The following KCNT2 variants were observed in gnomAD, a reference collection of about 807,000 sequenced individuals.
KCNT2 encodes the protein potassium channel subfamily T member 2.
KCNT2 carries 67 observed loss-of-function variants against 153.8 expected under a neutral mutation model. That is an observed-to-expected ratio of 0.44 (90% CI 0.36 to 0.53). The LOEUF is 0.53. KCNT2 is among the 20% of genes least tolerant of loss of function. KCNT2 has a pLI of 0.00. For missense variants in KCNT2, 975 were observed against 1,354.8 expected (o/e 0.72, Z 4.40); for synonymous variants, 500 against 458.8 (o/e 1.09, Z -1.15).
chr1:196,363,953 T>C (rs1340109020), intron 14 of KCNT2, among the ~76,000 whole-genome samples: 1 of 152,144 alleles, frequency 6.6e-6, no homozygotes, highest in South Asian at 2.1e-4. Context: ...TTTGTTTATA[T>C]ACATTGAAAA....
At chr1:196,465,644 T>C (rs995268435) in intron 7 of KCNT2, among the ~76,000 whole-genome samples, 1 of 151,902 alleles carries the variant, frequency 6.6e-6, no homozygotes, top group Non-Finnish European at 1.5e-5. Context: ...TTTACTTGCA[T>C]TACAGACATC....
intron 12 of KCNT2, among the ~76,000 whole-genome samples, chr1:196,406,328 T>G (rs926010511): frequency 6.6e-6 from 1 of 151,492 alleles, no homozygotes; most frequent in Non-Finnish European, 1.5e-5. Context: ...TAGAGAAGTA[T>G]GCTTCAAATT....
chr1:196,356,498 C>A (rs889683087), intron 14 of KCNT2, among the ~76,000 whole-genome samples: 5 of 151,682 alleles, frequency 3.3e-5, no homozygotes, highest in African/African-American at 1.2e-4. Context: ...TCATTCATAG[C>A]TTAAATTTTG....
At position 196,340,408 on chromosome 1, in the gene KCNT2, G is replaced by A. The variant is rs1665503374; in HGVS notation, c.1716C>T (p.Ser572=). The change falls in exon 16 of 28, where the codon AGC becomes AGT. Residue 572 remains serine, a synonymous_variant. Transcript: ENST00000294725. The part of the protein sequence containing the change: ...AFKNQDQQRK[S]NVSRSFYHGP... ...CATGATAAAACGACCTGGACACATT[G>A]CTTTTTCTCTGCTGGTCTTGGTTTT... The A allele has an allele frequency of 1.9e-6, 3 of 1,612,842 alleles. No homozygotes were observed. The highest frequency in any genetic ancestry group is 2.5e-6 in the Non-Finnish European group (3 of 1,179,268).
In KCNT2 at chr1:196,471,955, A is replaced by C. The variant is rs1678141981; in HGVS notation, c.385-2887T>G. Among the ~76,000 whole-genome samples the C allele has an allele frequency of 1.3e-5, 2 of 152,260 alleles. 1 individual carries two copies. The highest frequency in any genetic ancestry group is 4.1e-4 in the South Asian group (2 of 4,822). On this transcript the variant is annotated intron_variant, in intron 5 of 27. Transcript: ENST00000294725. ...GCTACTAGCTTGGCTTGTAATTTTG[A>C]TATTTCTATTCCTATCCTGAACTCA...
At chr1:196,408,174 T>C (rs1419859052) in intron 12 of KCNT2, among the ~76,000 whole-genome samples, 2 of 151,570 alleles carry the variant, frequency 1.3e-5, no homozygotes, top group East Asian at 3.9e-4. Flanking sequence ...CTCTTTTCAC[T>C]ACATGGGGCC....
chr1:196,242,722 G>A (rs562443700), intron 26 of KCNT2, among the ~76,000 whole-genome samples: 1 of 152,226 alleles, frequency 6.6e-6, no homozygotes, highest in Non-Finnish European at 1.5e-5. Context: ...GATAGGCAAA[G>A]TTTTTGCCTT....
chr1:196,229,307 G>A (rs1653745431), intron 27 of KCNT2, among the ~76,000 whole-genome samples: 1 of 151,896 alleles, frequency 6.6e-6, no homozygotes, highest in African/African-American at 2.4e-5. Flanking sequence ...AGTGATCTGT[G>A]ATCAGTAATT....
chr1:196,286,968 T>C (rs116750400), intron 22 of KCNT2, among the ~76,000 whole-genome samples: 191 of 152,180 alleles, frequency 1.3e-3, no homozygotes, highest in African/African-American at 4.2e-3. Flanking sequence ...CCTTCACTTC[T>C]TGAGGCAACA....
Position 196,226,319 on chromosome 1 carries a change from A to G in KCNT2, c.*1905T>C, listed in dbSNP as rs368630048. ...TGATATGCAAATATAAAACAAGTTC[A>G]TAAAATTTATTGTTTTTCTCTGTTA... On this transcript the variant is annotated 3_prime_UTR_variant, in exon 28 of 28. Transcript: ENST00000294725. The G allele has an allele frequency of 9.9e-5, 15 of 152,164 alleles. No homozygotes were observed. Among genetic ancestry groups the G allele is most frequent in the East Asian group, 9.6e-4 (5 of 5,186 alleles). The allele number at this position is 152,164 out of a possible 1,614,324, so 9.4% of individuals were successfully genotyped here. A position where few individuals can be genotyped will look rare whatever the true frequency, so the allele number is the denominator to read the frequency against.
At chr1:196,450,195 T>TAA (rs1448957918) in intron 8 of KCNT2, among the ~76,000 whole-genome samples, 1 of 151,922 alleles carries the variant, frequency 6.6e-6, no homozygotes, top group African/African-American at 2.4e-5. Context: ...CCCTATCTAC[T>TAA]AACACATTGT....
chr1:196,243,066 C>T lies in KCNT2; in HGVS notation c.3212-6996G>A, dbSNP rs538060663. Among the ~76,000 whole-genome samples, 11 of 152,210 alleles carry T rather than the reference C, an allele frequency of 7.2e-5. 1 individual carries two copies. The South Asian group carries it at 2.3e-3, about 32-fold the overall frequency. On this transcript the variant is annotated intron_variant, in intron 26 of 27. Coordinates refer to ENST00000294725, the MANE Select transcript of KCNT2 (RefSeq NM_198503.5). ...CAGATCTCTCATGCCCTTTTGTAGT[C>T]AATTTTCTCCTCTCAATCCCAACTT... is the stretch of plus-strand genomic sequence containing the variant.
chr1:196,395,367 G>A (rs1193365138), intron 13 of KCNT2, among the ~76,000 whole-genome samples: 11 of 151,408 alleles, frequency 7.3e-5, no homozygotes. Context: ...TAAACTGTTT[G>A]TAAAACATTA....
chr1:196,583,730 A>G (rs900857971), intron 1 of KCNT2, among the ~76,000 whole-genome samples: 1 of 151,998 alleles, frequency 6.6e-6, no homozygotes, highest in South Asian at 2.1e-4. Flanking sequence ...AAAATTGTTC[A>G]TTGGACCTGG....
At chr1:196,517,699 A>G (rs2148815144) in intron 1 of KCNT2, among the ~76,000 whole-genome samples, 1 of 152,332 alleles carries the variant, frequency 6.6e-6, no homozygotes, top group South Asian at 2.1e-4. Context: ...TCTCTGAAAT[A>G]AGACACTCAG....
intron 15 of KCNT2, among the ~76,000 whole-genome samples, chr1:196,341,021 G>GA (rs1665571646): frequency 6.6e-6 from 1 of 151,062 alleles, no homozygotes; most frequent in South Asian, 2.1e-4. Flanking sequence ...TTAAATTTTA[G>GA]AAAAAATATA....
At chr1:196,311,022 C>T (rs1662125752) in intron 21 of KCNT2, among the ~76,000 whole-genome samples, 1 of 151,768 alleles carries the variant, frequency 6.6e-6, no homozygotes, top group Admixed American at 6.6e-5. Flanking sequence ...ATGTGCTGTA[C>T]CCATCCTTTT....
chr1:196,229,467 C>T (rs749387342), intron 27 of KCNT2, among the ~76,000 whole-genome samples: 2 of 151,946 alleles, frequency 1.3e-5, no homozygotes, highest in Non-Finnish European at 1.5e-5. Flanking sequence ...ATCTGTATTC[C>T]CCAAGACACA....
rs1256401272 is a variant in KCNT2, at chr1:196,586,849, GAAT to G, written c.95+21363_95+21365del. ...TTTATTGATAAAATGTGTCCACATT[GAAT>G]AATAATCACAATATTTAATAAGTGC... On this transcript the variant is annotated intron_variant, in intron 1 of 27. Transcript: ENST00000294725. 2.6e-5 allele frequency among the ~76,000 whole-genome samples: 4 copies of G among 151,962 alleles called. No homozygotes were observed. In the East Asian group the frequency reaches 7.7e-4, roughly 29 times the overall value.
Sources: gnomAD v4.1 joint callset for allele counts (sites outside exome capture counted in the v4.1 genomes callset) on GRCh38, gnomAD v4.1.1 for gene constraint, MANE v1.5 for transcripts, NCBI Gene and HGNC (gene_info 2026-07-23, HGNC 2026-07-21) for gene names.